OGDH: variants seen among roughly 807,000 people sequenced by gnomAD.
The protein encoded by OGDH is 2-oxoglutarate dehydrogenase complex component E1.
Under a neutral mutation model 116.6 loss-of-function variants are expected in OGDH, and 38 were observed. The ratio of observed to expected loss-of-function variants is 0.33; its 90% CI spans 0.25 to 0.43. The LOEUF (loss-of-function observed/expected upper bound fraction) is 0.43. OGDH is among the 20% of genes least tolerant of loss of function. OGDH has a pLI of 1.00. For missense variants in OGDH, 825 were observed against 1,357.2 expected (o/e 0.61, Z 6.16); for synonymous variants, 488 against 533.3 (o/e 0.92, Z 1.17).
intron 5 of OGDH, among the ~76,000 whole-genome samples, chr7:44,667,825 C>T (rs1787251211): frequency 6.6e-6 from 1 of 152,120 alleles, no homozygotes. Context: ...TGAGGAAATA[C>T]CCTGGAATGG....
intron 2 of OGDH, among the ~76,000 whole-genome samples, chr7:44,628,973 G>C (rs986905796): frequency 6.6e-6 from 1 of 152,090 alleles, no homozygotes; most frequent in Non-Finnish European, 1.5e-5. Flanking sequence ...TTTCGTCTCT[G>C]TTCTAGTCTG....
intron 3 of OGDH, among the ~76,000 whole-genome samples, chr7:44,645,724 A>G (rs138669601): frequency 2.0e-5 from 3 of 152,352 alleles, no homozygotes; most frequent in African/African-American, 7.2e-5. Context: ...CAAATCTCCC[A>G]GCACCACTAA....
intron 9 of OGDH, 30 bp from the exon 10 acceptor site, chr7:44,681,690 T>C (rs1419270334): frequency 2.5e-6 from 4 of 1,600,328 alleles, no homozygotes; most frequent in South Asian, 2.2e-5. Context: ...CAGAACATTC[T>C]GGATTTGGGG....
At chr7:44,668,829 C>T (rs2116075830) in intron 5 of OGDH, among the ~76,000 whole-genome samples, 1 of 152,204 alleles carries the variant, frequency 6.6e-6, no homozygotes, top group Non-Finnish European at 1.5e-5. Flanking sequence ...TTTGATACAT[C>T]GGGTCAAATA....
rs535869901 is a variant in OGDH, at chr7:44,702,035, C to T, written c.2632+420C>T. On this transcript the variant is annotated intron_variant, in intron 20 of 22. Transcript: ENST00000222673. ...GCAGTGAGCTGCTATCACGCCATTG[C>T]ACTCCAGCCTGGGCAATAAGAGCAA... 7.3e-5 allele frequency among the ~76,000 whole-genome samples: 11 copies of T among 150,534 alleles called. No homozygotes were observed. In the South Asian group the frequency reaches 1.9e-3, roughly 26 times the overall value.
Position 44,652,588 on chromosome 7 carries a change from A to G in OGDH, c.517+4829A>G, listed in dbSNP as rs74652149. 0.034 allele frequency among the ~76,000 whole-genome samples: 5,175 copies of G among 152,072 alleles called. 411 individuals carry two copies. The East Asian group carries it at 0.35, about 10-fold the overall frequency. The stretch of plus-strand genomic sequence containing the variant: ...ATTTTATTTTATTTTTAAAATAGAG[A>G]CAGGGTCTTATTATGTTGCCCAGGC... On this transcript the variant is annotated intron_variant, in intron 4 of 22. Coordinates refer to ENST00000222673, the MANE Select transcript of OGDH (RefSeq NM_002541.4).
chr7:44,660,304 T>C (rs540983345), intron 4 of OGDH, among the ~76,000 whole-genome samples: 1 of 152,280 alleles, frequency 6.6e-6, no homozygotes, highest in Admixed American at 6.5e-5. Flanking sequence ...TTAAAATTTT[T>C]TATAGAGGTG....
At chr7:44,700,577 AG>A (rs1203836111) in intron 19 of OGDH, among the ~76,000 whole-genome samples, 9 of 152,166 alleles carry the variant, frequency 5.9e-5, no homozygotes, top group Non-Finnish European at 1.0e-4. Flanking sequence ...AGGTGGTCAT[AG>A]GGGGTGTGCT....
chr7:44,675,757 A>C (rs1787664480), intron 8 of OGDH, among the ~76,000 whole-genome samples: 1 of 151,850 alleles, frequency 6.6e-6, no homozygotes, highest in Non-Finnish European at 1.5e-5. Flanking sequence ...CATGCCTGTA[A>C]TCCCAGCTAC....
intron 1 of OGDH, among the ~76,000 whole-genome samples, chr7:44,614,501 T>C (rs1338361959): frequency 1.3e-5 from 2 of 152,232 alleles, no homozygotes; most frequent in East Asian, 1.9e-4. Flanking sequence ...ATGACATTAA[T>C]ATTAGATCTT....
At chr7:44,617,535 G>A (rs961001581) in intron 1 of OGDH, among the ~76,000 whole-genome samples, 1 of 152,176 alleles carries the variant, frequency 6.6e-6, no homozygotes, top group East Asian at 1.9e-4. Flanking sequence ...ATGTAATGAG[G>A]TGTCACTAGT....
chr7:44,619,839 C>T (rs1418010318), intron 1 of OGDH, among the ~76,000 whole-genome samples: 1 of 151,878 alleles, frequency 6.6e-6, no homozygotes, highest in Non-Finnish European at 1.5e-5. Flanking sequence ...GTTAGTATAT[C>T]TTCTTTGGAC....
At chr7:44,646,742 C>G (rs995086681) in intron 3 of OGDH, among the ~76,000 whole-genome samples, 1 of 152,134 alleles carries the variant, frequency 6.6e-6, no homozygotes, top group African/African-American at 2.4e-5. Context: ...AAATCAGATG[C>G]TTTAAGTCTG....
intron 2 of OGDH, among the ~76,000 whole-genome samples, chr7:44,632,647 T>C (rs1017697054): frequency 6.6e-6 from 1 of 151,790 alleles, no homozygotes. Flanking sequence ...AGATGGACTT[T>C]CGCTCTGTCA....
At chr7:44,631,124 A>T (rs6963622) in intron 2 of OGDH, among the ~76,000 whole-genome samples, 18,745 of 152,136 alleles carry the variant, frequency 0.12, 2,248 homozygotes, top group East Asian at 0.44. Context: ...CAGGAAAAAA[A>T]AGTGTACATG....
intron 1 of OGDH, among the ~76,000 whole-genome samples, chr7:44,616,760 T>TGC (rs1305656095): frequency 2.1e-5 from 3 of 146,038 alleles, no homozygotes; most frequent in African/African-American, 5.0e-5. Context: ...TATGTGTATA[T>TGC]ATATACACGT....
At chr7:44,702,565 CTT>C (rs1309698227) in intron 20 of OGDH, among the ~76,000 whole-genome samples, 1 of 151,804 alleles carries the variant, frequency 6.6e-6, no homozygotes, top group Non-Finnish European at 1.5e-5. Context: ...TTTTCCCAAT[CTT>C]TTTTTATTTT....
chr7:44,624,636 A>T, intron 2 of OGDH, 71 bp downstream of exon 2: 1 of 1,346,994 alleles, frequency 7.4e-7, no homozygotes, highest in Non-Finnish European at 1.1e-6. Flanking sequence ...TCACCAGGTA[A>T]GTGTGTGCGT....
At chr7:44,702,462 C>T (rs1479566236) in intron 20 of OGDH, among the ~76,000 whole-genome samples, 1 of 151,842 alleles carries the variant, frequency 6.6e-6, no homozygotes, top group East Asian at 1.9e-4. Flanking sequence ...TTACCACCCA[C>T]CAGGGGTCAC....
Sources: gnomAD v4.1 joint callset for allele counts (sites outside exome capture counted in the v4.1 genomes callset) on GRCh38, gnomAD v4.1.1 for gene constraint, MANE v1.5 for transcripts, NCBI Gene and HGNC (gene_info 2026-07-23, HGNC 2026-07-21) for gene names.